The following MAPRE2 variants were observed in gnomAD, a reference collection of about 807,000 sequenced individuals.
The protein encoded by MAPRE2 is microtubule associated protein RP/EB family member 2.
A neutral mutation model predicts 43.2 loss-of-function variants in MAPRE2; 13 were observed. The ratio of observed to expected loss-of-function variants is 0.30; its 90% CI spans 0.20 to 0.48. MAPRE2 has a LOEUF of 0.48. Among genes scored for constraint, MAPRE2 ranks in the 20% least tolerant of loss-of-function variants. The pLI, the probability that MAPRE2 is intolerant of heterozygous loss-of-function variation, is 0.99. For missense variants in MAPRE2, 161 were observed against 400.2 expected (o/e 0.40, Z 5.10); for synonymous variants, 135 against 148.8 (o/e 0.91, Z 0.68).
chr18:35,133,622 C>T (rs966173827), intron 6 of MAPRE2, among the ~76,000 whole-genome samples: 4 of 152,202 alleles, frequency 2.6e-5, no homozygotes, highest in East Asian at 1.9e-4. Flanking sequence ...GGAATAAGGC[C>T]GGCGTGCAGG....
upstream of MAPRE2, chr18:35,041,359 C>T (rs922513411): frequency 9.7e-6 from 14 of 1,448,968 alleles, no homozygotes; most frequent in Non-Finnish European, 1.3e-5. Flanking sequence ...GGCGCTCTGA[C>T]GTCAGCTGCC....
chr18:35,120,566 T>C (rs1909625925), intron 4 of MAPRE2, among the ~76,000 whole-genome samples: 1 of 152,126 alleles, frequency 6.6e-6, no homozygotes, highest in Non-Finnish European at 1.5e-5. Flanking sequence ...ACTAGGTCAA[T>C]ATAACTTGAA....
intron 1 of MAPRE2, among the ~76,000 whole-genome samples, chr18:35,049,143 G>T (rs1905805921): frequency 6.6e-6 from 1 of 152,064 alleles, no homozygotes; most frequent in Admixed American, 6.6e-5. Flanking sequence ...TGTCAAAAAC[G>T]CCAGGTAATT....
intron 1 of MAPRE2, among the ~76,000 whole-genome samples, chr18:34,989,537 C>T (rs1320134239): frequency 6.6e-6 from 1 of 152,072 alleles, no homozygotes; most frequent in Non-Finnish European, 1.5e-5. Context: ...TAGTGAGACC[C>T]TATGTTTACC....
intron 1 of MAPRE2, among the ~76,000 whole-genome samples, chr18:34,997,431 C>G (rs907972983): frequency 3.9e-5 from 6 of 152,094 alleles, no homozygotes; most frequent in Non-Finnish European, 1.5e-5. Flanking sequence ...AACTTGGTAC[C>G]ACATGAGAGC....
chr18:35,119,071 G>T (rs889274030), intron 4 of MAPRE2, among the ~76,000 whole-genome samples: 1 of 152,194 alleles, frequency 6.6e-6, no homozygotes, highest in African/African-American at 2.4e-5. Context: ...TGTGAAGAAT[G>T]AGACTTTTGA....
At chr18:35,052,549 G>A (rs1905999064) in intron 1 of MAPRE2, among the ~76,000 whole-genome samples, 1 of 152,172 alleles carries the variant, frequency 6.6e-6, no homozygotes, top group Admixed American at 6.5e-5. Flanking sequence ...CTTTGTGGAG[G>A]TGTTTTCATT....
chr18:35,094,695 C>T (rs985443283), intron 2 of MAPRE2, among the ~76,000 whole-genome samples: 3 of 152,108 alleles, frequency 2.0e-5, no homozygotes, highest in African/African-American at 4.8e-5. Flanking sequence ...AATGGAAAGC[C>T]GAGCTCAGAA....
intron 1 of MAPRE2, among the ~76,000 whole-genome samples, chr18:35,058,669 C>T (rs887109635): frequency 5.3e-5 from 8 of 152,240 alleles, no homozygotes; most frequent in Middle Eastern, 3.4e-3. Flanking sequence ...TCATTCCCAG[C>T]GATAAACTGA....
chr18:35,021,143 G>A (rs1367765536), intron 2 of MAPRE2, among the ~76,000 whole-genome samples: 1 of 152,152 alleles, frequency 6.6e-6, no homozygotes, highest in Non-Finnish European at 1.5e-5. Flanking sequence ...GAGGATTAAG[G>A]AAGAAAGATA....
At chr18:35,108,586 C>A (rs964082107) in intron 4 of MAPRE2, among the ~76,000 whole-genome samples, 3 of 152,140 alleles carry the variant, frequency 2.0e-5, no homozygotes, top group African/African-American at 7.2e-5. Flanking sequence ...ACATTCCCAC[C>A]AACAGTGTAA....
chr18:35,081,586 G>C (rs148056408), intron 2 of MAPRE2, among the ~76,000 whole-genome samples: 1 of 152,248 alleles, frequency 6.6e-6, no homozygotes, highest in East Asian at 1.9e-4. Context: ...GATGTTATTG[G>C]TGTAGATGAA....
chr18:34,996,755 C>A (rs1019274736), intron 1 of MAPRE2, among the ~76,000 whole-genome samples: 4 of 152,176 alleles, frequency 2.6e-5, no homozygotes, highest in African/African-American at 9.7e-5. Context: ...GAATAGAAAC[C>A]TTGTATACGA....
At chr18:35,007,936 G>A (rs1439008786) in intron 2 of MAPRE2, among the ~76,000 whole-genome samples, 4 of 152,154 alleles carry the variant, frequency 2.6e-5, no homozygotes, top group African/African-American at 9.7e-5. Context: ...AAGGCAGCCA[G>A]CTTTTCATAT....
chr18:34,995,182 T>C (rs894191196), intron 1 of MAPRE2, among the ~76,000 whole-genome samples: 1 of 152,226 alleles, frequency 6.6e-6, no homozygotes, highest in Non-Finnish European at 1.5e-5. Flanking sequence ...TTATAAAGTA[T>C]GGGCAATCTC....
chr18:34,995,166 A>G (rs1055563854), intron 1 of MAPRE2, among the ~76,000 whole-genome samples: 2 of 152,132 alleles, frequency 1.3e-5, no homozygotes, highest in African/African-American at 4.8e-5. Context: ...CAAGAGAGGA[A>G]TGTTATTATA....
intron 4 of MAPRE2, among the ~76,000 whole-genome samples, chr18:35,108,058 T>C (rs1340195797): frequency 2.0e-5 from 3 of 151,930 alleles, no homozygotes; most frequent in Non-Finnish European, 1.5e-5. Flanking sequence ...GTTTGTTACA[T>C]AGGTATATGT....
At chr18:35,036,174 T>A (rs1483590592) in intron 2 of MAPRE2, among the ~76,000 whole-genome samples, 2 of 152,034 alleles carry the variant, frequency 1.3e-5, no homozygotes, top group East Asian at 3.9e-4. Context: ...TCATTTGAGA[T>A]GTCTCTTCCT....
intron 1 of MAPRE2, among the ~76,000 whole-genome samples, chr18:34,982,486 A>G (rs757696773): frequency 2.0e-5 from 3 of 152,152 alleles, no homozygotes; most frequent in Non-Finnish European, 2.9e-5. Flanking sequence ...ATCCAACTCT[A>G]CATAATTCAC....
Sources: gnomAD v4.1 joint callset for allele counts (sites outside exome capture counted in the v4.1 genomes callset) on GRCh38, gnomAD v4.1.1 for gene constraint, MANE v1.5 for transcripts, NCBI Gene and HGNC (gene_info 2026-07-23, HGNC 2026-07-21) for gene names.